CLVS1: variants seen among roughly 807,000 people sequenced by gnomAD.
CLVS1 encodes clavesin-1.
CLVS1 carries 10 observed loss-of-function variants against 33.1 expected under a neutral mutation model. The ratio of observed to expected loss-of-function variants is 0.30; its 90% CI spans 0.19 to 0.51. The LOEUF is 0.51. Among genes scored for constraint, CLVS1 ranks in the 20% least tolerant of loss-of-function variants. The pLI, the probability that CLVS1 is intolerant of heterozygous loss-of-function variation, is 0.97. For missense variants in CLVS1, 343 were observed against 433.4 expected (o/e 0.79, Z 1.85); for synonymous variants, 163 against 166.1 (o/e 0.98, Z 0.14).
rs559370913 is a variant in CLVS1, at chr8:61,150,163, A to G, written c.-152+18303A>G. On this transcript the variant is annotated intron_variant, in intron 2 of 2. Coordinates refer to the CLVS1 transcript ENST00000522621. ...CAAGGGGATGGACTCGACCTGGTGC[A>G]GGCCAGGAAATCCTTTGTCAGTGAG... Among the ~76,000 whole-genome samples, 82 of 148,752 alleles carry G rather than the reference A, an allele frequency of 5.5e-4. 1 individual carries two copies. Among genetic ancestry groups the G allele is most frequent in the Non-Finnish European group, 1.1e-3 (71 of 67,368 alleles).
intron 2 of CLVS1, among the ~76,000 whole-genome samples, chr8:61,208,794 G>A (rs1420156870): frequency 1.3e-5 from 2 of 152,114 alleles, no homozygotes; most frequent in Non-Finnish European, 2.9e-5. Context: ...CACCATGTTG[G>A]CCAGGATGAT....
chr8:61,406,763 T>C (rs981973338), intron 3 of CLVS1, among the ~76,000 whole-genome samples: 2 of 151,888 alleles, frequency 1.3e-5, no homozygotes, highest in East Asian at 3.9e-4. Flanking sequence ...GCACGCCACC[T>C]CTCCCGGCTA....
intron 3 of CLVS1, among the ~76,000 whole-genome samples, chr8:61,431,246 G>A (rs927279403): frequency 6.6e-6 from 1 of 151,982 alleles, no homozygotes; most frequent in Non-Finnish European, 1.5e-5. Flanking sequence ...CCAAAAATGG[G>A]TCTCATGGTG....
intron 3 of CLVS1, among the ~76,000 whole-genome samples, chr8:61,441,702 A>G (rs1816553462): frequency 1.3e-5 from 2 of 152,182 alleles, no homozygotes; most frequent in Non-Finnish European, 2.9e-5. Context: ...GAAGAGAGAG[A>G]GGGAATACTT....
intron 3 of CLVS1, among the ~76,000 whole-genome samples, chr8:61,401,494 T>C (rs1360391829): frequency 1.3e-5 from 2 of 152,148 alleles, no homozygotes; most frequent in Admixed American, 1.3e-4. Flanking sequence ...TTAAAATCTT[T>C]AAATAGGGAA....
chr8:61,466,939 G>A (rs1021378268), intron 5 of CLVS1, among the ~76,000 whole-genome samples: 28 of 152,120 alleles, frequency 1.8e-4, no homozygotes, highest in African/African-American at 5.1e-4. Context: ...GTGAGCCACC[G>A]CACCTGGCCT....
At chr8:61,224,360 CT>C (rs2129310434) in intron 2 of CLVS1, among the ~76,000 whole-genome samples, 1 of 152,194 alleles carries the variant, frequency 6.6e-6, no homozygotes, top group South Asian at 2.1e-4. Context: ...TTGTGAGGGC[CT>C]TTTGTTGTTG....
At chr8:61,090,988 G>A in intron 1 of CLVS1, 3 of 479,746 alleles carry the variant, frequency 6.3e-6, no homozygotes. Flanking sequence ...AATGACCCAT[G>A]CCCCCCCACC....
At chr8:61,178,787 G>C (rs1273734751) in intron 2 of CLVS1, among the ~76,000 whole-genome samples, 2 of 152,056 alleles carry the variant, frequency 1.3e-5, no homozygotes. Flanking sequence ...TTCCAGACAA[G>C]CAAATGCTGA....
the CLVS1 span, among the ~76,000 whole-genome samples, chr8:61,037,061 A>C: frequency 6.6e-6 from 1 of 152,222 alleles, no homozygotes; most frequent in South Asian, 2.1e-4. Context: ...TTTCTACATC[A>C]GTGTTTATAC....
intron 3 of CLVS1, among the ~76,000 whole-genome samples, chr8:61,398,079 C>T (rs559463876): frequency 6.6e-6 from 1 of 152,150 alleles, no homozygotes; most frequent in African/African-American, 2.4e-5. Flanking sequence ...ACTCTCTAGA[C>T]CTACTTGGGG....
chr8:60,991,818 C>T, the CLVS1 span, among the ~76,000 whole-genome samples: 8 of 147,192 alleles, frequency 5.4e-5, no homozygotes, highest in Non-Finnish European at 1.2e-4. Flanking sequence ...ATGATCTGGG[C>T]TCACTGTAAC....
At chr8:61,345,712 G>A (rs199658904) in intron 2 of CLVS1, among the ~76,000 whole-genome samples, 2 of 151,526 alleles carry the variant, frequency 1.3e-5, no homozygotes, top group East Asian at 3.9e-4. Context: ...AGTTGTTTTA[G>A]GGAAAGAATA....
intron 3 of CLVS1, among the ~76,000 whole-genome samples, chr8:61,448,860 T>C (rs1196701815): frequency 6.6e-6 from 1 of 152,234 alleles, no homozygotes; most frequent in African/African-American, 2.4e-5. Context: ...TAAATTAAAA[T>C]CTTTGTCAGA....
chr8:61,157,058 G>A (rs1179385803), intron 2 of CLVS1, among the ~76,000 whole-genome samples: 2 of 152,166 alleles, frequency 1.3e-5, no homozygotes, highest in African/African-American at 4.8e-5. Flanking sequence ...TCTTTTGAAT[G>A]TATTTCCTTA....
At position 61,231,306 on chromosome 8, in the gene CLVS1, A is replaced by ACT. The variant is rs1554548249; in HGVS notation, c.-151-68368_-151-68367dup. 1.7e-4 allele frequency among the ~76,000 whole-genome samples: 25 copies of ACT among 151,226 alleles called. No homozygotes were observed. In the South Asian group the frequency reaches 1.9e-3, roughly 11 times the overall value. Reference sequence around the variant, plus strand: ...TGCTTGCACACACACACACACACACACTCTAATATTAGGAAACATCTCTTA... The same window carrying ACT: ...TGCTTGCACACACACACACACACACACTCTCTAATATTAGGAAACATCTCTTA... On this transcript the variant is annotated intron_variant, in intron 2 of 2. Coordinates refer to the CLVS1 transcript ENST00000522621.
At chr8:61,279,419 C>T (rs1413807019) in intron 2 of CLVS1, among the ~76,000 whole-genome samples, 1 of 152,212 alleles carries the variant, frequency 6.6e-6, no homozygotes, top group African/African-American at 2.4e-5. Context: ...AATGATCTCT[C>T]AGAGTACTGA....
intron 1 of CLVS1, among the ~76,000 whole-genome samples, chr8:61,122,481 A>G (rs998726461): frequency 4.6e-5 from 7 of 151,752 alleles, no homozygotes; most frequent in African/African-American, 1.7e-4. Flanking sequence ...AGTCTTTGCA[A>G]TCTCAGCTTT....
At chr8:61,454,982 G>A (rs533300540) in intron 4 of CLVS1, among the ~76,000 whole-genome samples, 2 of 152,294 alleles carry the variant, frequency 1.3e-5, no homozygotes, top group Admixed American at 6.5e-5. Context: ...GGTACATCAT[G>A]AGACTTGTTG....
Sources: allele counts gnomAD v4.1 joint callset (sites outside exome capture counted in the v4.1 genomes callset), GRCh38; gene constraint gnomAD v4.1.1; transcripts MANE v1.5; gene names NCBI Gene and HGNC (gene_info 2026-07-23, HGNC 2026-07-21).